VWA2: variants seen among roughly 807,000 people sequenced by gnomAD.
The protein encoded by VWA2 is von Willebrand factor A domain containing 2, also known as von Willebrand factor A domain-containing protein 2.
A neutral mutation model predicts 70.4 loss-of-function variants in VWA2; 73 were observed. That is an observed-to-expected ratio of 1.04 (90% confidence interval 0.86 to 1.26). VWA2 has a LOEUF of 1.26. VWA2 is among the 50% of genes most tolerant of loss of function. The pLI is 0.00. For missense variants in VWA2, 1,011 were observed against 998.5 expected (o/e 1.01, Z -0.17); for synonymous variants, 407 against 423.3 (o/e 0.96, Z 0.47).
In VWA2 at chr10:114,272,744, G is replaced by T. The variant is rs768249430; in HGVS notation, c.376G>T (p.Gly126Trp). 3.7e-6 allele frequency: 6 copies of T among 1,603,982 alleles called. No individual in the cohort carries two copies. In the South Asian group the frequency reaches 6.7e-5, roughly 18 times the overall value. Reference protein sequence around the residue: ...ARIKRMVFKGGRTETELALKY... With the variant: ...ARIKRMVFKGWRTETELALKY... ...TTTCCTTCTGGGTGTGCACAGAGGA[G>T]GGCGCACGGAGACGGAACTTGCTCT... The change falls in exon 6 of 14, where the codon GGG becomes TGG. Residue 126 changes from glycine (G) to tryptophan (W), a missense_variant. Physicochemically the swap from Gly to Trp is radical, Grantham distance 184 (BLOSUM62 -2). Transcript: ENST00000392982.
intron 1 of VWA2, among the ~76,000 whole-genome samples, chr10:114,241,384 A>G (rs955539200): frequency 2.0e-5 from 3 of 152,184 alleles, no homozygotes; most frequent in Non-Finnish European, 4.4e-5. Flanking sequence ...CCTACAACAC[A>G]TGGTAATCAC....
In VWA2 at chr10:114,290,203, C is replaced by T. The variant is rs1298095991; in HGVS notation, c.2123-37C>T. 4 of 1,548,082 alleles carry T rather than the reference C, an allele frequency of 2.6e-6. No homozygotes were observed. In the Admixed American group the frequency reaches 7.9e-5, roughly 30 times the overall value. On this transcript the variant is annotated intron_variant, in intron 12 of 13. Transcript: ENST00000392982. ...AGGGGTCTTCGGGTCTAACCCATGC[C>T]TGGCCGGCCTGGTGGGTATGGTGTT...
rs750122369 is a variant in VWA2, at chr10:114,289,297, G to A, written c.1930G>A (p.Gly644Ser). The change falls in exon 12 of 14, where the codon GGC (glycine) becomes AGC (serine). Residue 644 changes from glycine (G) to serine (S), a missense_variant. Transcript: ENST00000392982. ...KAVVVLTGGR[G>S]AEDAAVPAQK... ...TGTGGTGGTGCTCACAGGCGGGAGA[G>A]GCGCAGAGGATGCAGCCGTTCCTGC... The A allele has an allele frequency of 4.3e-6, 7 of 1,613,938 alleles. No homozygotes were observed. Among genetic ancestry groups the A allele is most frequent in the African/African-American group, 1.3e-5 (1 of 74,942 alleles).
chr10:114,281,743 C>T lies in VWA2; in HGVS notation c.834-773C>T, dbSNP rs538353017. 1.4e-5 allele frequency: 14 copies of T among 985,360 alleles called. No homozygotes were observed. In the African/African-American group the frequency reaches 2.4e-4, roughly 17 times the overall value. 61.0% of individuals were successfully genotyped at this position (985,360 alleles called of 1,614,324 possible). A position where few individuals can be genotyped will look rare whatever the true frequency, so the allele number is the denominator to read the frequency against. On this transcript the variant is annotated intron_variant, in intron 8 of 13. Transcript: ENST00000392982. ...ACTGCGGGAGGCCTGGAGCCTTGCT[C>T]CTTCAGTGCTCTTCTCTCCCCATCG...
chr10:114,246,365 G>A, intron 1 of VWA2: 1 of 593,042 alleles, frequency 1.7e-6, no homozygotes, highest in Non-Finnish European at 3.0e-6. Flanking sequence ...GCTGGGCGTG[G>A]TGGCGCATGC....
chr10:114,289,871 C>G, intron 12 of VWA2: 1 of 340,482 alleles, frequency 2.9e-6, no homozygotes. Context: ...AATCCAGTGA[C>G]CTCCTCTTCA....
At position 114,239,408 on chromosome 10, in the gene VWA2, G is replaced by A. The variant is rs1397818609; in HGVS notation, c.-172G>A. The A allele has an allele frequency of 6.6e-6, 1 of 152,290 alleles. No homozygotes were observed. Among genetic ancestry groups the A allele is most frequent in the Non-Finnish European group, 1.5e-5 (1 of 68,082 alleles). The allele number at this position is 152,290 out of a possible 1,614,324, so 9.4% of individuals were successfully genotyped here. A position where few individuals can be genotyped will look rare whatever the true frequency, so the allele number is the denominator to read the frequency against. On this transcript the variant is annotated 5_prime_UTR_variant, in exon 1 of 14. Transcript: ENST00000392982. ...GTTCCTCCGACCTCAGCCGGGTCGG[G>A]TCGTGCCGCCCTCTCCCAGGAGAGA...
chr10:114,261,686 T>C (rs2037448243), intron 5 of VWA2, among the ~76,000 whole-genome samples: 1 of 152,220 alleles, frequency 6.6e-6, no homozygotes, highest in Non-Finnish European at 1.5e-5. Flanking sequence ...AGCCTCATTT[T>C]TGTGGTCTAA....
intron 2 of VWA2, among the ~76,000 whole-genome samples, chr10:114,251,728 G>A (rs937282435): frequency 1.3e-5 from 2 of 152,128 alleles, no homozygotes; most frequent in South Asian, 2.1e-4. Flanking sequence ...TGAGGGGCTC[G>A]TGGGAACAGA....
chr10:114,294,116 A>AT lies in VWA2; in HGVS notation c.*2886dup, dbSNP rs1293476713. ...ATTTTCAATCATTGAACAACCCTTG[A>AT]TTTTTTTGGATAAACTCTATTTGGT... On this transcript the variant is annotated 3_prime_UTR_variant, in exon 14 of 14. Coordinates refer to ENST00000392982, the MANE Select transcript of VWA2 (RefSeq NM_001272046.2). Among the ~76,000 whole-genome samples the AT allele has an allele frequency of 2.6e-5, 4 of 152,154 alleles. No individual in the cohort carries two copies. The highest frequency in any genetic ancestry group is 3.9e-4 in the East Asian group (2 of 5,186).
intron 2 of VWA2, among the ~76,000 whole-genome samples, chr10:114,251,712 G>A (rs2037198885): frequency 6.6e-6 from 1 of 152,130 alleles, no homozygotes; most frequent in South Asian, 2.1e-4. Context: ...CTTCCAGGCA[G>A]GAAGGTGAGG....
At position 114,291,903 on chromosome 10, in the gene VWA2, G is replaced by T. The variant is rs1322227598; in HGVS notation, c.*666G>T. On this transcript the variant is annotated 3_prime_UTR_variant, in exon 14 of 14. Transcript: ENST00000392982. Reference sequence around the variant, plus strand: ...TTTGATGATGGGGGAGGGGCTGAGTGTGCAATGGGCCCAGGTCTGGAGGGG... The same window carrying T: ...TTTGATGATGGGGGAGGGGCTGAGTTTGCAATGGGCCCAGGTCTGGAGGGG... Among the ~76,000 whole-genome samples the T allele has an allele frequency of 1.3e-5, 2 of 152,198 alleles. No individual in the cohort carries two copies. Among genetic ancestry groups the T allele is most frequent in the African/African-American group, 4.8e-5 (2 of 41,448 alleles).
chr10:114,272,836 C>T lies in VWA2; in HGVS notation c.468C>T (p.Ile156=), dbSNP rs776782934. 23 of 1,613,946 alleles carry T rather than the reference C, an allele frequency of 1.4e-5. No individual in the cohort carries two copies. Among genetic ancestry groups the T allele is most frequent in the East Asian group, 1.1e-4 (5 of 44,886 alleles). Residue 156 remains isoleucine, a synonymous_variant, in exon 6 of 14, where the codon ATC becomes ATT. Transcript: ENST00000392982. The part of the protein sequence containing the change: ...RNASVPQILI[I]VTDGKSQGDV... ...CTTCTGTGCCCCAGATCCTCATCATCGTCACTGATGGGAAGTCCCAGGGGG... is the reference window on the plus strand; with the variant it reads ...CTTCTGTGCCCCAGATCCTCATCATTGTCACTGATGGGAAGTCCCAGGGGG...
intron 12 of VWA2, chr10:114,290,036 A>T: frequency 3.8e-6 from 2 of 519,546 alleles, no homozygotes; most frequent in Non-Finnish European, 6.6e-6. Context: ...GGCACGTCTG[A>T]GCAATGGACT....
At chr10:114,277,252 C>T (rs1344740849) in intron 6 of VWA2, among the ~76,000 whole-genome samples, 5 of 137,454 alleles carry the variant, frequency 3.6e-5, no homozygotes, top group African/African-American at 5.4e-5. Flanking sequence ...GGCACAATCT[C>T]GGCTCACTGC....
rs2039714681 is a variant in VWA2 at position 114,292,716 on chromosome 10, T to C, written c.*1479T>C. ...ACTCCAGACACTTTATCGTTTTTCT[T>C]TTTTTTGAGACGGAGTTTTGCTCTT... is the stretch of plus-strand genomic sequence containing the variant. On this transcript the variant is annotated 3_prime_UTR_variant, in exon 14 of 14. Coordinates refer to ENST00000392982, the MANE Select transcript of VWA2 (RefSeq NM_001272046.2). Among the ~76,000 whole-genome samples the C allele has an allele frequency of 6.6e-6, 1 of 151,964 alleles. No homozygotes were observed. Among genetic ancestry groups the C allele is most frequent in the Non-Finnish European group, 1.5e-5 (1 of 68,012 alleles).
At chr10:114,241,646 C>G (rs1007302537) in intron 1 of VWA2, among the ~76,000 whole-genome samples, 2 of 152,112 alleles carry the variant, frequency 1.3e-5, no homozygotes, top group African/African-American at 4.8e-5. Context: ...AAGCATTGTC[C>G]TCACATCCTC....
At chr10:114,260,689 G>T (rs2037426552) in intron 4 of VWA2, among the ~76,000 whole-genome samples, 1 of 152,184 alleles carries the variant, frequency 6.6e-6, no homozygotes, top group African/African-American at 2.4e-5. Context: ...TGGCCTGGCT[G>T]CCTTTCTTAC....
chr10:114,289,103 T>C lies in VWA2; in HGVS notation c.1736T>C (p.Val579Ala). The C allele has an allele frequency of 6.2e-7, 1 of 1,614,080 alleles. No homozygotes were observed. Among genetic ancestry groups the C allele is most frequent in the Non-Finnish European group, 8.5e-7 (1 of 1,180,022 alleles). ...QVGLVVYGSQ[V>A]QTAFGLDTKP... ...GGCCTGGTGGTGTATGGCAGCCAGGTGCAGACTGCCTTCGGGCTGGACACC... is the reference window on the plus strand; with the variant it reads ...GGCCTGGTGGTGTATGGCAGCCAGGCGCAGACTGCCTTCGGGCTGGACACC... Residue 579 changes from valine to alanine, a missense_variant, in exon 12 of 14, where the codon GTG (valine) becomes GCG (alanine). Val to Ala is a moderately conservative substitution (Grantham distance 64). Coordinates refer to ENST00000392982, the MANE Select transcript of VWA2 (RefSeq NM_001272046.2).
Sources: gnomAD v4.1 joint callset for allele counts (sites outside exome capture counted in the v4.1 genomes callset) on GRCh38, gnomAD v4.1.1 for gene constraint, MANE v1.5 for transcripts, NCBI Gene and HGNC (gene_info 2026-07-23, HGNC 2026-07-21) for gene names.